Variants in NEB observed in about 807,000 individuals in gnomAD.
NEB encodes the protein nemaline myopathy type 2.
In NEB, 512 loss-of-function variants were observed where a neutral mutation model predicts 952.2. The observed-to-expected ratio is 0.54, with a 90% CI of 0.50 to 0.58. The LOEUF (loss-of-function observed/expected upper bound fraction) is 0.58, where lower values mean the gene tolerates loss of function less well. NEB is among the 20% of genes least tolerant of loss of function. The pLI is 0.00. For missense variants in NEB, 8,428 were observed against 9,231.1 expected (o/e 0.91, Z 3.56); for synonymous variants, 2,900 against 3,149.8 (o/e 0.92, Z 2.66).
intron 151 of NEB, among the ~76,000 whole-genome samples, chr2:151,524,881 T>G (rs919775203): frequency 1.3e-5 from 2 of 152,008 alleles, no homozygotes; most frequent in Non-Finnish European, 2.9e-5. Flanking sequence ...TTGGCCAGGC[T>G]GGTCTCGAAC....
In NEB at chr2:151,618,512, A is replaced by G. The variant is rs1451202005; in HGVS notation, c.10873-34T>C. 5 of 1,583,674 alleles carry G rather than the reference A, an allele frequency of 3.2e-6. No homozygotes were observed. The African/African-American group carries it at 5.4e-5, about 17-fold the overall frequency. Reference sequence around the variant, plus strand: ...CAACAGATAAGAAACAGATTTATTAATTAGTGTTTCAGATTCATAGTTACA... The same window carrying G: ...CAACAGATAAGAAACAGATTTATTAGTTAGTGTTTCAGATTCATAGTTACA... On this transcript the variant is annotated intron_variant, in intron 73 of 181. Transcript: ENST00000397345.
chr2:151,569,253 A>G lies in NEB; in HGVS notation c.17535+15T>C. ...TGGGAAATGTACTGAATGTCAGGGT[A>G]AAATCTTGGAATACCTCACTGAAGA... On this transcript the variant is annotated intron_variant, in intron 110 of 181. Transcript: ENST00000397345. The G allele has an allele frequency of 1.2e-6, 2 of 1,608,368 alleles. No homozygotes were observed. The highest frequency in any genetic ancestry group is 4.5e-5 in the East Asian group (2 of 44,814).
chr2:151,681,968 A>C (rs2099417153), intron 29 of NEB, among the ~76,000 whole-genome samples: 1 of 152,330 alleles, frequency 6.6e-6, no homozygotes, highest in South Asian at 2.1e-4. Context: ...TGTGGTGTGT[A>C]TTATGCTGGG....
At chr2:151,491,513 CTAGAAAGT>C in intron 179 of NEB, 162 bp downstream of exon 179, 1 of 564,546 alleles carries the variant, frequency 1.8e-6, no homozygotes, top group South Asian at 2.2e-5. Flanking sequence ...TTGAACTTAT[CTAGAAAGT>C]AAGTTTTGCT....
chr2:151,525,142 G>A, intron 151 of NEB, 21 bp downstream of exon 151: 1 of 1,548,684 alleles, frequency 6.5e-7, no homozygotes, highest in Non-Finnish European at 8.9e-7. Context: ...GCCCCCAAGA[G>A]TGTTGAGAGG....
At chr2:151,684,672 G>T in intron 28 of NEB, 106 bp downstream of exon 28, 1 of 1,097,248 alleles carries the variant, frequency 9.1e-7, no homozygotes, top group Non-Finnish European at 1.3e-6. Flanking sequence ...ACATACATAG[G>T]ACAATGCAGA....
At chr2:151,647,427 A>G (rs1223809863) in intron 54 of NEB, among the ~76,000 whole-genome samples, 3 of 152,182 alleles carry the variant, frequency 2.0e-5, no homozygotes, top group Non-Finnish European at 4.4e-5. Context: ...GGAAAATTTG[A>G]TTAAAAACAG....
intron 75 of NEB, among the ~76,000 whole-genome samples, chr2:151,617,125 T>C: frequency 6.6e-6 from 1 of 152,210 alleles, no homozygotes; most frequent in Non-Finnish European, 1.5e-5. Flanking sequence ...AAAAGTATAA[T>C]TCCTATGGAA....
chr2:151,525,451 T>C (rs2085159954), intron 150 of NEB, among the ~76,000 whole-genome samples, 178 bp from the exon 151 acceptor site: 1 of 152,208 alleles, frequency 6.6e-6, no homozygotes, highest in South Asian at 2.1e-4. Flanking sequence ...AACCCAACAC[T>C]AGAACCACCT....
chr2:151,508,590 T>G (rs2071245041), intron 161 of NEB, among the ~76,000 whole-genome samples: 1 of 152,158 alleles, frequency 6.6e-6, no homozygotes, highest in Non-Finnish European at 1.5e-5. Context: ...CATGAGCAGG[T>G]GCGGTCAGGG....
rs528334504 is a variant in NEB at position 151,515,388 on chromosome 2, T to G, written c.22906-460A>C. 2.0e-5 allele frequency among the ~76,000 whole-genome samples: 3 copies of G among 152,328 alleles called. 1 individual carries two copies. In the South Asian group the frequency reaches 6.2e-4, roughly 32 times the overall value. ...CTTGCTTTTTTTCCTAATCATGACC[T>G]GTTTTTTTAATATGGGGTCTTGCTA... is the stretch of plus-strand genomic sequence containing the variant. On this transcript the variant is annotated intron_variant, in intron 157 of 181. Coordinates refer to ENST00000397345, the MANE Select transcript of NEB (RefSeq NM_001164508.2).
At chr2:151,706,417 G>A (rs572010543) in intron 13 of NEB, among the ~76,000 whole-genome samples, 171 of 152,140 alleles carry the variant, frequency 1.1e-3, no homozygotes, top group Non-Finnish European at 1.4e-3. Context: ...TAAATTGAAC[G>A]GCTTAGTCGG....
chr2:151,679,148 T>C (rs2099396144), intron 32 of NEB, among the ~76,000 whole-genome samples: 1 of 152,108 alleles, frequency 6.6e-6, no homozygotes, highest in South Asian at 2.1e-4. Flanking sequence ...CCACTCCCTA[T>C]AGAATAACAG....
At chr2:151,710,152 A>G (rs371903766) in intron 11 of NEB, among the ~76,000 whole-genome samples, 1 of 152,244 alleles carries the variant, frequency 6.6e-6, no homozygotes, top group South Asian at 2.1e-4. Flanking sequence ...GAGTCCCTTT[A>G]ACTTGTACTA....
intron 107 of NEB, among the ~76,000 whole-genome samples, chr2:151,573,617 G>C (rs751831934): frequency 6.6e-6 from 1 of 152,202 alleles, no homozygotes; most frequent in East Asian, 1.9e-4. Flanking sequence ...AGAGCTGTTT[G>C]GCACATGGTG....
intron 44 of NEB, 45 bp downstream of exon 44, chr2:151,664,455 TG>T (rs1296262358): frequency 1.5e-6 from 2 of 1,375,842 alleles, no homozygotes; most frequent in Non-Finnish European, 9.8e-7. Flanking sequence ...TTAGCGCATT[TG>T]TTCTTACTTG....
intron 164 of NEB, 21 bp downstream of exon 164, chr2:151,506,145 G>A (rs551832094): frequency 6.4e-7 from 1 of 1,566,984 alleles, no homozygotes; most frequent in Non-Finnish European, 8.8e-7. Flanking sequence ...AATATTGCAA[G>A]TGCATTCACT....
At chr2:151,629,733 A>T (rs2098621088) in intron 67 of NEB, 87 bp from the exon 68 acceptor site, 1 of 1,141,320 alleles carries the variant, frequency 8.8e-7, no homozygotes, top group Non-Finnish European at 1.3e-6. Flanking sequence ...CTAAAATTTA[A>T]AAAAGGATAG....
chr2:151,712,823 A>G (rs1033035203), intron 10 of NEB, among the ~76,000 whole-genome samples: 1 of 152,054 alleles, frequency 6.6e-6, no homozygotes, highest in African/African-American at 2.4e-5. Context: ...TGTACAATAC[A>G]TGGAGACGGG....
Sources: allele counts gnomAD v4.1 joint callset (sites outside exome capture counted in the v4.1 genomes callset), GRCh38; gene constraint gnomAD v4.1.1; transcripts MANE v1.5; gene names NCBI Gene and HGNC (gene_info 2026-07-23, HGNC 2026-07-21).